Variants in GRB2 observed in about 807,000 individuals in gnomAD.
GRB2 encodes the protein growth factor receptor bound protein 2.
In GRB2, 2 loss-of-function variants were observed where a neutral mutation model predicts 27.4. That is an observed-to-expected ratio of 0.07 (90% CI 0.03 to 0.23). GRB2 has a LOEUF of 0.23. GRB2 is among the 10% of genes least tolerant of loss of function. GRB2 has a pLI of 1.00. For synonymous variants in GRB2, 94 were observed against 99.6 expected (o/e 0.94, Z 0.33); for missense variants, 102 against 282.4 (o/e 0.36, Z 4.58).
At chr17:75,398,084 A>C (rs533808583) in intron 1 of GRB2, among the ~76,000 whole-genome samples, 1 of 151,944 alleles carries the variant, frequency 6.6e-6, no homozygotes, top group African/African-American at 2.4e-5. Context: ...CAGCCTCCCA[A>C]AGTGCTGGGA....
intron 2 of GRB2, among the ~76,000 whole-genome samples, chr17:75,365,097 C>T (rs2078810852): frequency 6.6e-6 from 1 of 152,106 alleles, no homozygotes; most frequent in Non-Finnish European, 1.5e-5. Context: ...AGGACATTCT[C>T]TGGCAGTTCT....
At chr17:75,384,826 TA>T (rs1174102189) in intron 2 of GRB2, among the ~76,000 whole-genome samples, 1 of 151,276 alleles carries the variant, frequency 6.6e-6, no homozygotes, top group Non-Finnish European at 1.5e-5. Context: ...ATGTATATGA[TA>T]AAAAAAGAGG....
intron 2 of GRB2, among the ~76,000 whole-genome samples, chr17:75,344,093 G>C (rs1158683411): frequency 6.6e-6 from 1 of 152,156 alleles, no homozygotes; most frequent in Non-Finnish European, 1.5e-5. Flanking sequence ...CAATTCAATA[G>C]AAAACATCTG....
intron 2 of GRB2, among the ~76,000 whole-genome samples, chr17:75,341,577 AAAG>A (rs1389732620): frequency 6.6e-5 from 10 of 152,226 alleles, no homozygotes; most frequent in Non-Finnish European, 1.2e-4. Flanking sequence ...TTTTAAAGGA[AAAG>A]AAGAAAAAAA....
At chr17:75,367,948 T>C (rs1339913572) in intron 2 of GRB2, among the ~76,000 whole-genome samples, 2 of 152,230 alleles carry the variant, frequency 1.3e-5, no homozygotes, top group East Asian at 1.9e-4. Flanking sequence ...AGTGGCACGA[T>C]GTCGGCTCAC....
chr17:75,386,794 C>T (rs1174494685), intron 2 of GRB2, among the ~76,000 whole-genome samples: 1 of 152,220 alleles, frequency 6.6e-6, no homozygotes, highest in Non-Finnish European at 1.5e-5. Flanking sequence ...TAAGATCAAA[C>T]TTCACCTCTG....
intron 4 of GRB2, among the ~76,000 whole-genome samples, chr17:75,324,058 C>T (rs2078479100): frequency 6.6e-6 from 1 of 152,036 alleles, no homozygotes; most frequent in Non-Finnish European, 1.5e-5. Context: ...GATCGGCCCG[C>T]CTCAGCCTCC....
chr17:75,379,347 A>G (rs370656412), intron 2 of GRB2, among the ~76,000 whole-genome samples: 2 of 152,064 alleles, frequency 1.3e-5, no homozygotes. Flanking sequence ...TTTCTATTAA[A>G]TGATTCTAAT....
chr17:75,332,235 G>C (rs1465720999), intron 3 of GRB2, among the ~76,000 whole-genome samples: 1 of 152,146 alleles, frequency 6.6e-6, no homozygotes, highest in Admixed American at 6.5e-5. Context: ...TTGTTCTCTT[G>C]TAAGTAGGAA....
chr17:75,375,078 T>G (rs576563087), intron 2 of GRB2, among the ~76,000 whole-genome samples: 21 of 147,756 alleles, frequency 1.4e-4, no homozygotes, highest in Admixed American at 3.4e-4. Flanking sequence ...ACATTTTTGG[T>G]TTTTTTTTTG....
At chr17:75,334,036 T>C (rs2078559131) in intron 2 of GRB2, among the ~76,000 whole-genome samples, 1 of 152,192 alleles carries the variant, frequency 6.6e-6, no homozygotes, top group South Asian at 2.1e-4. Context: ...AATACAGTAG[T>C]CCTCCTTATC....
intron 2 of GRB2, among the ~76,000 whole-genome samples, chr17:75,383,539 T>C (rs981707321): frequency 1.3e-5 from 2 of 152,162 alleles, no homozygotes; most frequent in African/African-American, 2.4e-5. Flanking sequence ...TTATGCTAGT[T>C]ACTGCTTTAA....
intron 1 of GRB2, among the ~76,000 whole-genome samples, chr17:75,399,965 C>T (rs1218147612): frequency 6.6e-6 from 1 of 151,956 alleles, no homozygotes; most frequent in African/African-American, 2.4e-5. Flanking sequence ...CCACCGTGCC[C>T]GGCCCTGACC....
At chr17:75,325,365 C>T (rs2078491733) in intron 4 of GRB2, among the ~76,000 whole-genome samples, 2 of 152,180 alleles carry the variant, frequency 1.3e-5, no homozygotes, top group Admixed American at 1.3e-4. Context: ...TTTCTATTCT[C>T]CACACTCTCC....
chr17:75,349,466 G>T lies in GRB2; in HGVS notation c.79-16669C>A, dbSNP rs115493662. On this transcript the variant is annotated intron_variant, in intron 2 of 5. Coordinates refer to ENST00000316804, the MANE Select transcript of GRB2 (RefSeq NM_002086.5). ...CATGTAGGCTTGCCCAGAATAACTA[G>T]ATCAAGGGGCTGGTTCGAGCCTTCT... 9.6e-3 allele frequency among the ~76,000 whole-genome samples: 1,447 copies of T among 150,124 alleles called. 27 individuals carry two copies. The highest frequency in any genetic ancestry group is 0.049 in the South Asian group (230 of 4,734).
chr17:75,359,072 C>T (rs1482282320), intron 2 of GRB2, among the ~76,000 whole-genome samples: 15 of 133,740 alleles, frequency 1.1e-4, no homozygotes, highest in African/African-American at 3.7e-4. Context: ...AAAATTAGCT[C>T]GGTGTGGTGG....
At position 75,366,326 on chromosome 17, in the gene GRB2, T is replaced by C. The variant is rs146353567; in HGVS notation, c.78+27225A>G. ...CTGTTAACTGCAAATAACAGTGGCT[T>C]AACACAATGGGAAAATGTTTATTTT... On this transcript the variant is annotated intron_variant, in intron 2 of 5. Coordinates refer to ENST00000316804, the MANE Select transcript of GRB2 (RefSeq NM_002086.5). 4.3e-4 allele frequency among the ~76,000 whole-genome samples: 65 copies of C among 152,272 alleles called. No homozygotes were observed. In the Middle Eastern group the frequency reaches 0.01, roughly 24 times the overall value.
At chr17:75,401,426 T>C (rs1338447389) in intron 1 of GRB2, among the ~76,000 whole-genome samples, 1 of 116,234 alleles carries the variant, frequency 8.6e-6, no homozygotes, top group East Asian at 2.5e-4. Flanking sequence ...CAGTCCGGCC[T>C]GGGCGACAGA....
intron 1 of GRB2, among the ~76,000 whole-genome samples, chr17:75,397,675 A>G (rs946277057): frequency 1.3e-5 from 2 of 152,202 alleles, no homozygotes; most frequent in Non-Finnish European, 2.9e-5. Context: ...GTTGTGGGCA[A>G]AGTTGTGAAA....
Sources: gnomAD v4.1 joint callset for allele counts (sites outside exome capture counted in the v4.1 genomes callset) on GRCh38, gnomAD v4.1.1 for gene constraint, MANE v1.5 for transcripts, NCBI Gene and HGNC (gene_info 2026-07-23, HGNC 2026-07-21) for gene names.